The following MAN2A1 variants were observed in gnomAD, a reference collection of about 807,000 sequenced individuals.
MAN2A1 encodes mannosidase alpha class 2A member 1.
In MAN2A1, 76 loss-of-function variants were observed where a neutral mutation model predicts 142.6. The observed-to-expected ratio is 0.53, with a 90% CI of 0.44 to 0.65. MAN2A1 has a LOEUF of 0.65. Among genes scored for constraint, MAN2A1 ranks in the 30% least tolerant of loss-of-function variants. The pLI is 0.00. For synonymous variants in MAN2A1, 559 were observed against 473.2 expected (o/e 1.18, Z -2.35); for missense variants, 1,311 against 1,365.1 (o/e 0.96, Z 0.62).
At chr5:109,818,682 T>TG (rs1754538117) in intron 13 of MAN2A1, among the ~76,000 whole-genome samples, 1 of 152,234 alleles carries the variant, frequency 6.6e-6, no homozygotes, top group Non-Finnish European at 1.5e-5. Flanking sequence ...GGCATTGTTG[T>TG]AAAGCCCTTA....
rs956052004 is a variant in MAN2A1 at position 109,725,451 on chromosome 5, C to T, written c.536-3891C>T. ...GGCCACTGTTTAGGCTAGAGAGGGT[C>T]GGTCCCATTTGTTAGGGTTAAGTGC... On this transcript the variant is annotated intron_variant, in intron 3 of 21. Coordinates refer to ENST00000261483, the MANE Select transcript of MAN2A1 (RefSeq NM_002372.4). Among the ~76,000 whole-genome samples the T allele has an allele frequency of 5.3e-5, 8 of 152,280 alleles. No homozygotes were observed. The East Asian group carries it at 1.5e-3, about 29-fold the overall frequency.
chr5:109,733,955 A>G (rs1256714383), intron 4 of MAN2A1, among the ~76,000 whole-genome samples: 1 of 152,056 alleles, frequency 6.6e-6, no homozygotes, highest in Non-Finnish European at 1.5e-5. Flanking sequence ...TCCTCCTTGT[A>G]CTTCTGGTAG....
At chr5:109,850,430 G>C (rs779691933) in intron 19 of MAN2A1, among the ~76,000 whole-genome samples, 1 of 152,104 alleles carries the variant, frequency 6.6e-6, no homozygotes, top group Non-Finnish European at 1.5e-5. Context: ...AATAGCAACA[G>C]CTAATTAAAG....
At chr5:109,826,056 C>A (rs897867896) in intron 16 of MAN2A1, among the ~76,000 whole-genome samples, 1 of 151,854 alleles carries the variant, frequency 6.6e-6, no homozygotes, top group African/African-American at 2.4e-5. Context: ...CAGGTGTACA[C>A]CACCACGCCT....
At chr5:109,745,083 G>C (rs934790120) in intron 4 of MAN2A1, among the ~76,000 whole-genome samples, 2 of 152,134 alleles carry the variant, frequency 1.3e-5, no homozygotes, top group Non-Finnish European at 2.9e-5. Context: ...TGGAATGTCA[G>C]AGTGTTTTTT....
At chr5:109,695,243 G>C (rs1401289232) in intron 1 of MAN2A1, among the ~76,000 whole-genome samples, 3 of 152,008 alleles carry the variant, frequency 2.0e-5, no homozygotes, top group Admixed American at 2.0e-4. Flanking sequence ...AATTGAATTG[G>C]GTGTGTTGTT....
intron 19 of MAN2A1, 53 bp from the exon 20 acceptor site, chr5:109,855,086 AT>A: frequency 1.1e-6 from 1 of 900,066 alleles, no homozygotes; most frequent in Non-Finnish European, 1.6e-6. Context: ...TTCTGTTAAT[AT>A]GATGAGAACT....
At chr5:109,825,863 C>CT (rs1754742396) in intron 16 of MAN2A1, among the ~76,000 whole-genome samples, 1 of 129,014 alleles carries the variant, frequency 7.8e-6, no homozygotes, top group Non-Finnish European at 1.7e-5. Context: ...CCTCTTTTCT[C>CT]TTTTTTATTC....
rs1750618248 is a variant in MAN2A1 at position 109,690,057 on chromosome 5, C to T, written c.-361C>T. ...ACTTTTCCTGCCGACTCAGTTGGGG[C>T]GGCGGTGGCAGGAAGTGCGGGCAGC... On this transcript the variant is annotated 5_prime_UTR_variant, in exon 1 of 22. Transcript: ENST00000261483. 8.7e-6 allele frequency: 2 copies of T among 229,916 alleles called. No homozygotes were observed. The highest frequency in any genetic ancestry group is 1.7e-5 in the Non-Finnish European group (2 of 115,474). 14.2% of individuals were successfully genotyped at this position (229,916 alleles called of 1,614,324 possible). A position where few individuals can be genotyped will look rare whatever the true frequency, so the allele number is the denominator to read the frequency against.
intron 8 of MAN2A1, 114 bp from the exon 9 acceptor site, chr5:109,781,282 C>T (rs1171780859): frequency 1.7e-6 from 1 of 599,360 alleles, no homozygotes; most frequent in African/African-American, 1.9e-5. Flanking sequence ...GCTATGTATT[C>T]ATCTTAACTT....
At chr5:109,707,330 G>C (rs1182049418) in intron 1 of MAN2A1, among the ~76,000 whole-genome samples, 1 of 152,046 alleles carries the variant, frequency 6.6e-6, no homozygotes, top group Non-Finnish European at 1.5e-5. Context: ...GTGTGGGTTT[G>C]TATGCCAAAA....
At chr5:109,865,285 C>G in intron 21 of MAN2A1, 139 bp downstream of exon 21, 1 of 647,398 alleles carries the variant, frequency 1.5e-6, no homozygotes, top group Non-Finnish European at 2.7e-6. Context: ...GTTTGAATCT[C>G]CCCATCTGAA....
chr5:109,772,506 T>C (rs1753175879), intron 7 of MAN2A1, among the ~76,000 whole-genome samples: 1 of 152,166 alleles, frequency 6.6e-6, no homozygotes, highest in African/African-American at 2.4e-5. Flanking sequence ...CATTGGCCCC[T>C]TTCAAGCTCC....
chr5:109,701,745 GAGAA>G (rs768733498), intron 1 of MAN2A1, among the ~76,000 whole-genome samples: 1 of 152,184 alleles, frequency 6.6e-6, no homozygotes, highest in Non-Finnish European at 1.5e-5. Context: ...ATTTTGTAAA[GAGAA>G]AGACCAAAGC....
intron 13 of MAN2A1, 91 bp downstream of exon 13, chr5:109,817,529 A>G (rs1356014228): frequency 2.5e-5 from 32 of 1,286,910 alleles, no homozygotes; most frequent in Admixed American, 9.3e-5. Flanking sequence ...CCATTTAGCC[A>G]TCATGTTGGT....
intron 7 of MAN2A1, among the ~76,000 whole-genome samples, chr5:109,773,543 G>A (rs145238162): frequency 5.3e-5 from 8 of 151,658 alleles, no homozygotes; most frequent in Non-Finnish European, 1.0e-4. Context: ...AAAGTGTTTT[G>A]GCAAATGTGG....
At chr5:109,803,657 A>G (rs984571921) in intron 12 of MAN2A1, among the ~76,000 whole-genome samples, 3 of 152,088 alleles carry the variant, frequency 2.0e-5, no homozygotes, top group Admixed American at 2.0e-4. Context: ...AAGGATTATA[A>G]TAATTTCTAG....
At chr5:109,778,795 T>G (rs1393963675) in intron 8 of MAN2A1, among the ~76,000 whole-genome samples, 3 of 152,156 alleles carry the variant, frequency 2.0e-5, no homozygotes, top group Non-Finnish European at 4.4e-5. Flanking sequence ...TGTGGGATAC[T>G]TAAAGTTACT....
intron 12 of MAN2A1, among the ~76,000 whole-genome samples, chr5:109,811,743 T>C (rs1300490823): frequency 6.6e-6 from 1 of 152,138 alleles, no homozygotes; most frequent in Non-Finnish European, 1.5e-5. Context: ...GTAGGTACTT[T>C]GTTGACTGGG....
Sources: allele counts gnomAD v4.1 joint callset (sites outside exome capture counted in the v4.1 genomes callset), GRCh38; gene constraint gnomAD v4.1.1; transcripts MANE v1.5; gene names NCBI Gene and HGNC (gene_info 2026-07-23, HGNC 2026-07-21).